Variants in ZNF136 observed in about 807,000 individuals in gnomAD.
ZNF136 encodes the protein zinc finger protein 136 (clone pHZ-20).
A neutral mutation model predicts 11.4 loss-of-function variants in ZNF136; 8 were observed. That is an observed-to-expected ratio of 0.70 (90% CI 0.41 to 1.27). The LOEUF is 1.27. Ranked by LOEUF, ZNF136 falls within the 50% of genes most tolerant of loss-of-function variation. The probability of loss-of-function intolerance (pLI) is 0.01; values close to 1 mark genes in which losing one functional copy is unlikely to be tolerated. For synonymous variants in ZNF136, 190 were observed against 207.1 expected (o/e 0.92, Z 0.71); for missense variants, 590 against 656.5 (o/e 0.90, Z 1.11).
intron 1 of ZNF136, among the ~76,000 whole-genome samples, chr19:12,177,245 A>G (rs1482425960): frequency 6.6e-6 from 1 of 152,250 alleles, no homozygotes; most frequent in African/African-American, 2.4e-5. Context: ...ACCCTTGTCA[A>G]ATGTTTTTGA....
chr19:12,163,105 A>G lies in ZNF136; in HGVS notation c.-99A>G. The G allele has an allele frequency of 4.6e-6, 6 of 1,309,068 alleles. No homozygotes were observed. Among genetic ancestry groups the G allele is most frequent in the South Asian group, 4.7e-5 (2 of 42,234 alleles). 81.1% of individuals were successfully genotyped at this position (1,309,068 alleles called of 1,614,324 possible). On this transcript the variant is annotated 5_prime_UTR_variant, in exon 1 of 4. Coordinates refer to ENST00000343979, the MANE Select transcript of ZNF136 (RefSeq NM_003437.5). Reference sequence around the variant, plus strand: ...TACTTGGTTTCGCTTCGCTAGTCCCAGAGGCCCAGAGTGGCTCGCCTGGAG... The same window carrying G: ...TACTTGGTTTCGCTTCGCTAGTCCCGGAGGCCCAGAGTGGCTCGCCTGGAG...
intron 1 of ZNF136, 141 bp downstream of exon 1, chr19:12,163,347 G>GGT: frequency 8.7e-7 from 1 of 1,143,316 alleles, no homozygotes; most frequent in Non-Finnish European, 1.1e-6. Flanking sequence ...CTCAGCCCTT[G>GGT]GTACCCTCGG....
chr19:12,170,336 A>G (rs2082949692), intron 1 of ZNF136, among the ~76,000 whole-genome samples: 1 of 151,592 alleles, frequency 6.6e-6, no homozygotes, highest in Non-Finnish European at 1.5e-5. Context: ...TTAGTATTTT[A>G]TCTGTTGCCA....
At chr19:12,176,236 G>T (rs1314687376) in intron 1 of ZNF136, among the ~76,000 whole-genome samples, 1 of 152,148 alleles carries the variant, frequency 6.6e-6, no homozygotes, top group Non-Finnish European at 1.5e-5. Context: ...GGGATGGGTT[G>T]TAAAGAATTC....
At chr19:12,179,352 C>G (rs543504527) in intron 1 of ZNF136, among the ~76,000 whole-genome samples, 18 of 151,268 alleles carry the variant, frequency 1.2e-4, no homozygotes, top group Middle Eastern at 3.4e-3. Flanking sequence ...CTCTGTCGGC[C>G]AGGCTGGAGT....
At chr19:12,163,343 C>G (rs929778818) in intron 1 of ZNF136, 137 bp downstream of exon 1, 7 of 1,156,720 alleles carry the variant, frequency 6.1e-6, no homozygotes, top group Non-Finnish European at 6.7e-6. Context: ...GCAGCTCAGC[C>G]CTTGGTACCC....
chr19:12,176,383 G>C (rs1486060410), intron 1 of ZNF136, among the ~76,000 whole-genome samples: 2 of 152,038 alleles, frequency 1.3e-5, no homozygotes, highest in African/African-American at 4.8e-5. Context: ...TGGGACTGCA[G>C]TGGCGGGATC....
rs149345221 is a variant in ZNF136, at chr19:12,180,838, A to G, written c.4-4947A>G. The stretch of plus-strand genomic sequence containing the variant: ...TGTGATGCTGACTTTGGACATGGGT[A>G]TCTGGAACCTGGAGGAAGGCACACC... On this transcript the variant is annotated intron_variant, in intron 1 of 3. Transcript: ENST00000343979. 2.0e-5 allele frequency among the ~76,000 whole-genome samples: 3 copies of G among 152,336 alleles called. No individual in the cohort carries two copies. The East Asian group carries it at 5.8e-4, about 29-fold the overall frequency.
At chr19:12,172,078 A>T (rs1337999534) in intron 1 of ZNF136, among the ~76,000 whole-genome samples, 1 of 148,094 alleles carries the variant, frequency 6.8e-6, no homozygotes, top group Admixed American at 6.9e-5. Flanking sequence ...TCCTGGCGTC[A>T]GGTGTTTCCA....
intron 1 of ZNF136, chr19:12,164,514 C>T (rs1022672768): frequency 2.0e-5 from 3 of 147,626 alleles, no homozygotes; most frequent in African/African-American, 7.7e-5. Flanking sequence ...GTGATGTCGG[C>T]TCACTGCAAC....
intron 1 of ZNF136, among the ~76,000 whole-genome samples, chr19:12,183,048 G>A (rs957784259): frequency 6.6e-6 from 1 of 152,032 alleles, no homozygotes; most frequent in African/African-American, 2.4e-5. Flanking sequence ...CCTTATATTT[G>A]TTAAAAATTT....
At chr19:12,179,241 A>G (rs1226883856) in intron 1 of ZNF136, among the ~76,000 whole-genome samples, 1 of 152,198 alleles carries the variant, frequency 6.6e-6, no homozygotes, top group Non-Finnish European at 1.5e-5. Context: ...GTCATCATAA[A>G]TATGATAGTA....
At chr19:12,178,861 C>T (rs1006127410) in intron 1 of ZNF136, among the ~76,000 whole-genome samples, 1 of 151,920 alleles carries the variant, frequency 6.6e-6, no homozygotes, top group South Asian at 2.1e-4. Flanking sequence ...TGGTGGCGGG[C>T]ACCCATAGTC....
chr19:12,164,203 CCA>C (rs1347910504), intron 1 of ZNF136, among the ~76,000 whole-genome samples: 1 of 152,154 alleles, frequency 6.6e-6, no homozygotes, highest in Non-Finnish European at 1.5e-5. Flanking sequence ...TCCCCCAACC[CCA>C]GTTTCCATCC....
intron 1 of ZNF136, among the ~76,000 whole-genome samples, chr19:12,175,900 G>A (rs1392018163): frequency 6.6e-6 from 1 of 152,178 alleles, no homozygotes; most frequent in African/African-American, 2.4e-5. Flanking sequence ...CATACAGTAT[G>A]TAGTCTTTTC....
rs1405798212 is a variant in ZNF136 at position 12,187,020 on chromosome 19, T to C, written c.642T>C (p.His214=). 1 of 1,614,086 alleles carries C rather than the reference T, an allele frequency of 6.2e-7. No homozygotes were observed. The highest frequency in any genetic ancestry group is 8.5e-7 in the Non-Finnish European group (1 of 1,179,990). The part of the protein sequence containing the change: ...AFDYPSRFRT[H]ERSHTGEKPY... ...ATTATCCCAGTAGATTTCGAACACA[T>C]GAAAGAAGTCACACTGGAGAGAAAC... is the stretch of plus-strand genomic sequence containing the variant. The change falls in exon 4 of 4, where the codon CAT becomes CAC. Residue 214 remains histidine, a synonymous_variant. Coordinates refer to ENST00000343979, the MANE Select transcript of ZNF136 (RefSeq NM_003437.5).
At chr19:12,177,507 C>T (rs1181273098) in intron 1 of ZNF136, among the ~76,000 whole-genome samples, 1 of 152,174 alleles carries the variant, frequency 6.6e-6, no homozygotes, top group East Asian at 1.9e-4. Flanking sequence ...TGCCACCATG[C>T]CCAGCTAATT....
intron 1 of ZNF136, among the ~76,000 whole-genome samples, chr19:12,183,146 TG>T (rs1157087479): frequency 2.5e-4 from 38 of 151,756 alleles, no homozygotes; most frequent in Middle Eastern, 3.4e-3. Context: ...GTTGTTGTTT[TG>T]TTTTTTTTTG....
At chr19:12,170,919 T>A (rs960472814) in intron 1 of ZNF136, among the ~76,000 whole-genome samples, 1 of 151,744 alleles carries the variant, frequency 6.6e-6, no homozygotes, top group African/African-American at 2.4e-5. Flanking sequence ...CACTGCAACC[T>A]CTGCTTCCCA....
Sources: gnomAD v4.1 joint callset for allele counts (sites outside exome capture counted in the v4.1 genomes callset) on GRCh38, gnomAD v4.1.1 for gene constraint, MANE v1.5 for transcripts, NCBI Gene and HGNC (gene_info 2026-07-23, HGNC 2026-07-21) for gene names.